The following AGAP1 variants were observed in gnomAD, a reference collection of about 807,000 sequenced individuals.
AGAP1 encodes the protein arf-GAP with GTPase, ANK repeat and PH domain-containing protein 1.
Under a neutral mutation model 105.3 loss-of-function variants are expected in AGAP1, and 29 were observed. The observed-to-expected ratio is 0.28, with a 90% confidence interval of 0.21 to 0.38. The LOEUF (loss-of-function observed/expected upper bound fraction) is 0.38. Among genes scored for constraint, AGAP1 ranks in the 10% least tolerant of loss-of-function variants. The probability of loss-of-function intolerance (pLI) is 1.00; values close to 1 mark genes in which losing one functional copy is unlikely to be tolerated. For missense variants in AGAP1, 998 were observed against 1,165.1 expected (o/e 0.86, Z 2.09); for synonymous variants, 509 against 485.9 (o/e 1.05, Z -0.63).
chr2:235,826,604 C>T (rs1404307242), intron 9 of AGAP1, among the ~76,000 whole-genome samples: 2 of 152,088 alleles, frequency 1.3e-5, no homozygotes, highest in African/African-American at 2.4e-5. Flanking sequence ...CGCCCGCCAC[C>T]ACACCCAGCT....
chr2:235,579,668 C>T (rs1236283272), intron 1 of AGAP1, among the ~76,000 whole-genome samples: 1 of 151,578 alleles, frequency 6.6e-6, no homozygotes, highest in Non-Finnish European at 1.5e-5. Context: ...CCCAGCTACT[C>T]GGGAGGCTGA....
In AGAP1 at chr2:235,983,340, GCTC is replaced by G. The variant is rs1343881302; in HGVS notation, c.1645+14724_1645+14726del. Among the ~76,000 whole-genome samples the G allele has an allele frequency of 5.7e-4, 87 of 152,156 alleles. No individual in the cohort carries two copies. Among genetic ancestry groups the G allele is most frequent in the Admixed American group, 5.6e-3 (86 of 15,280 alleles). On this transcript the variant is annotated intron_variant, in intron 13 of 17. Coordinates refer to ENST00000304032, the MANE Select transcript of AGAP1 (RefSeq NM_001037131.3). This position sits in a 1 kb window ranked among gnomAD's most constrained non-coding sequence, Gnocchi z 4.5. ...TTGCTAGGCCCCCTCCTTTTGTTCA[GCTC>G]CTCCTCTCCAGCACCAACCTCCCAT...
At chr2:235,790,408 GC>G (rs1211163889) in intron 6 of AGAP1, among the ~76,000 whole-genome samples, 15 of 152,194 alleles carry the variant, frequency 9.9e-5, no homozygotes, top group Non-Finnish European at 4.4e-5. Context: ...TCGGGAAACC[GC>G]TGGAACCAGG....
At chr2:236,011,366 ACAGT>A (rs1223080534) in intron 13 of AGAP1, among the ~76,000 whole-genome samples, 20 of 152,344 alleles carry the variant, frequency 1.3e-4, no homozygotes, top group Admixed American at 4.6e-4. Context: ...ACTGGAGCTG[ACAGT>A]CAGTTTGTAC....
chr2:235,580,223 T>G (rs1944884446), intron 1 of AGAP1, among the ~76,000 whole-genome samples: 1 of 152,188 alleles, frequency 6.6e-6, no homozygotes, highest in Non-Finnish European at 1.5e-5. Flanking sequence ...TACAGGGATT[T>G]GCTTGAGTTG....
At position 235,866,292 on chromosome 2, in the gene AGAP1, G is replaced by A. The variant is rs749826948; in HGVS notation, c.1051-17053G>A. On this transcript the variant is annotated intron_variant, in intron 9 of 17. Transcript: ENST00000304032. This position sits in a 1 kb window ranked among gnomAD's most constrained non-coding sequence, Gnocchi z 6.1. ...TACTGATGTGGGAATCTGGGAGCCC[G>A]AGCCGACTCAGACAGTCCTGACTCC... Among the ~76,000 whole-genome samples the A allele has an allele frequency of 3.9e-5, 6 of 152,144 alleles. No individual in the cohort carries two copies. The highest frequency in any genetic ancestry group is 1.9e-4 in the East Asian group (1 of 5,182).
chr2:235,766,827 C>T (rs1464537934), intron 6 of AGAP1, among the ~76,000 whole-genome samples: 2 of 151,804 alleles, frequency 1.3e-5, no homozygotes, highest in African/African-American at 4.8e-5. Flanking sequence ...CTGCTACCTC[C>T]ACTTCCTGGG....
intron 6 of AGAP1, among the ~76,000 whole-genome samples, chr2:235,772,267 C>T (rs1316831901): frequency 6.6e-6 from 1 of 152,124 alleles, no homozygotes; most frequent in Non-Finnish European, 1.5e-5. Flanking sequence ...GCTGGGATTA[C>T]GTGTGTGAGC....
intron 16 of AGAP1, among the ~76,000 whole-genome samples, chr2:236,098,728 G>A (rs1026837657): frequency 4.0e-5 from 6 of 148,764 alleles, no homozygotes; most frequent in Admixed American, 6.8e-5. Flanking sequence ...GGGCTCAAGC[G>A]ATCCCCCTGC....
At chr2:235,784,513 A>G (rs1320723882) in intron 6 of AGAP1, among the ~76,000 whole-genome samples, 1 of 151,270 alleles carries the variant, frequency 6.6e-6, no homozygotes. Flanking sequence ...AAATGTAAAT[A>G]AAATTAGGTT....
Position 236,035,290 on chromosome 2 carries a change from C to G in AGAP1, c.1646-1271C>G, listed in dbSNP as rs958866153. 6.6e-6 allele frequency among the ~76,000 whole-genome samples: 1 copy of G among 152,106 alleles called. No homozygotes were observed. The highest frequency in any genetic ancestry group is 1.5e-5 in the Non-Finnish European group (1 of 68,012). On this transcript the variant is annotated intron_variant, in intron 13 of 17. Coordinates refer to ENST00000304032, the MANE Select transcript of AGAP1 (RefSeq NM_001037131.3). The surrounding 1 kb of genome is among the most constrained non-coding windows in gnomAD (Gnocchi z 4.2). Reference sequence around the variant, plus strand: ...ATGCAGCTAGTTCACAGGCCAGGGCCCGGAAACATTGAGTCAAATGAGATG... The same window carrying G: ...ATGCAGCTAGTTCACAGGCCAGGGCGCGGAAACATTGAGTCAAATGAGATG...
At position 236,038,815 on chromosome 2, in the gene AGAP1, T is replaced by TTGTGTGTG. The variant is rs751193768; in HGVS notation, c.1801-1933_1801-1932insGTGTGTGT. Among the ~76,000 whole-genome samples, 2 of 128,572 alleles carry TTGTGTGTG rather than the reference T, an allele frequency of 1.6e-5. No homozygotes were observed. Among genetic ancestry groups the TTGTGTGTG allele is most frequent in the South Asian group, 2.5e-4 (1 of 4,062 alleles). 84.3% of individuals were successfully genotyped at this position (128,572 alleles called of 152,430 possible). A position where few individuals can be genotyped will look rare whatever the true frequency, so the allele number is the denominator to read the frequency against. ...CACAGAGAGACAGAGGCACATCCCT[T>TTGTGTGTG]TGTATGTGTGTGTGTGTGTGTGTGT... On this transcript the variant is annotated intron_variant, in intron 14 of 17. Transcript: ENST00000304032. The surrounding 1 kb of genome is among the most constrained non-coding windows in gnomAD (Gnocchi z 4.5).
intron 1 of AGAP1, among the ~76,000 whole-genome samples, chr2:235,579,608 T>C (rs1461595112): frequency 2.0e-5 from 3 of 151,956 alleles, no homozygotes; most frequent in Non-Finnish European, 4.4e-5. Flanking sequence ...ACCCCGTCTC[T>C]ACTAAAAATA....
chr2:235,968,440 GC>G, intron 12 of AGAP1, 21 bp from the exon 13 acceptor site: 7 of 1,168,338 alleles, frequency 6.0e-6, no homozygotes, highest in Non-Finnish European at 7.5e-6. Flanking sequence ...TTTTTTTTTT[GC>G]CTTTTCCGGT....
chr2:235,912,676 G>A (rs974336768), intron 11 of AGAP1, among the ~76,000 whole-genome samples: 12 of 152,084 alleles, frequency 7.9e-5, no homozygotes, highest in African/African-American at 2.9e-4. Flanking sequence ...TCATTCGGTT[G>A]GTATAACCAT....
At chr2:235,903,604 G>A (rs536829369) in intron 10 of AGAP1, among the ~76,000 whole-genome samples, 3 of 152,178 alleles carry the variant, frequency 2.0e-5, no homozygotes, top group African/African-American at 7.2e-5. Context: ...AACTTCAAGT[G>A]CCAAAGGCCC....
At chr2:235,916,359 C>T (rs2051885057) in intron 11 of AGAP1, among the ~76,000 whole-genome samples, 1 of 152,212 alleles carries the variant, frequency 6.6e-6, no homozygotes, top group Non-Finnish European at 1.5e-5. Context: ...ATCTTCCCAA[C>T]TTGAATTTCA....
chr2:235,667,155 T>C (rs1414970331), intron 1 of AGAP1, among the ~76,000 whole-genome samples: 2 of 152,206 alleles, frequency 1.3e-5, no homozygotes, highest in Non-Finnish European at 2.9e-5. Context: ...AGCTTTTCTC[T>C]CCCTCGCTGT....
chr2:235,695,567 G>C lies in AGAP1; in HGVS notation c.164-13612G>C, dbSNP rs184411350. On this transcript the variant is annotated intron_variant, in intron 1 of 17. Coordinates refer to ENST00000304032, the MANE Select transcript of AGAP1 (RefSeq NM_001037131.3). ...AGTATATTACACTTGATCTGTCGTG[G>C]AACTTTTTTCAAGAACAGACAGCTT... Among the ~76,000 whole-genome samples, 166 of 152,284 alleles carry C rather than the reference G, an allele frequency of 1.1e-3. 1 individual carries two copies. The South Asian group carries it at 0.013, about 12-fold the overall frequency.
Sources: allele counts gnomAD v4.1 joint callset (sites outside exome capture counted in the v4.1 genomes callset), GRCh38; gene constraint gnomAD v4.1.1; non-coding constraint Gnocchi (gnomAD v3.1); transcripts MANE v1.5; gene names NCBI Gene and HGNC (gene_info 2026-07-23, HGNC 2026-07-21).